The following VSTM4 variants were observed in gnomAD, a reference collection of about 807,000 sequenced individuals.
VSTM4 encodes the protein V-set and transmembrane domain containing 4, also known as V-set and transmembrane domain-containing protein 4.
A neutral mutation model predicts 36.4 loss-of-function variants in VSTM4; 20 were observed. The observed-to-expected ratio is 0.55, with a 90% CI of 0.39 to 0.80. The LOEUF (loss-of-function observed/expected upper bound fraction) is 0.80, where lower values mean the gene tolerates loss of function less well. VSTM4 is among the 30% of genes least tolerant of loss of function. The pLI is 0.00. For synonymous variants in VSTM4, 182 were observed against 173.9 expected, an observed-to-expected ratio of 1.05 and a Z score of -0.37; for missense variants, 392 against 404.5, an observed-to-expected ratio of 0.97 and a Z score of 0.26.
At chr10:49,053,570 C>A (rs1843731120) in intron 5 of VSTM4, among the ~76,000 whole-genome samples, 1 of 152,142 alleles carries the variant, frequency 6.6e-6, no homozygotes, top group Non-Finnish European at 1.5e-5. Flanking sequence ...GAGAGCATAG[C>A]CTAAATTAGA....
intron 1 of VSTM4, among the ~76,000 whole-genome samples, chr10:49,114,592 T>TTG (rs2132034907): frequency 1.3e-5 from 2 of 152,106 alleles, no homozygotes; most frequent in South Asian, 2.1e-4. Flanking sequence ...CATGTTTTTT[T>TTG]TTTTTAATAC....
intron 5 of VSTM4, among the ~76,000 whole-genome samples, chr10:49,057,281 G>A (rs1217164099): frequency 6.6e-6 from 1 of 152,196 alleles, no homozygotes; most frequent in Non-Finnish European, 1.5e-5. Context: ...ATCATTGGCA[G>A]TTTCATCCAT....
rs1316502498 is a variant in VSTM4 at position 49,064,731 on chromosome 10, G to A, written c.640C>T (p.His214Tyr). The change falls in exon 5 of 8, where the codon CAT (histidine) becomes TAT (tyrosine). Residue 214 changes from histidine (H) to tyrosine (Y), a missense_variant. Physicochemically the swap from His to Tyr is moderately conservative, Grantham distance 83. Transcript: ENST00000332853. ...TTCTGAGGGCATTTCACCAAATAAT[G>A]TCTCACTGTGAAAGGAAAAATAATA... ...VFNKRKSRVR[H>Y]YLVKCPQNSS... 1.2e-6 allele frequency: 2 copies of A among 1,612,548 alleles called. No individual in the cohort carries two copies. Among genetic ancestry groups the A allele is most frequent in the African/African-American group, 1.3e-5 (1 of 74,788 alleles).
rs745404536 is a variant in VSTM4, at chr10:49,066,797, A to C, written c.635-2061T>G. ...GCAATACTAATAAGTCAATCTAAAA[A>C]ATATTTTAACAGACACTTATGAAAT... On this transcript the variant is annotated intron_variant, in intron 4 of 7. Transcript: ENST00000332853. Among the ~76,000 whole-genome samples, 50 of 152,184 alleles carry C rather than the reference A, an allele frequency of 3.3e-4. 1 individual carries two copies. Among genetic ancestry groups the C allele is most frequent in the Non-Finnish European group, 1.2e-4 (8 of 68,002 alleles).
At chr10:49,037,194 T>C (rs935405882) in intron 7 of VSTM4, among the ~76,000 whole-genome samples, 2 of 152,206 alleles carry the variant, frequency 1.3e-5, no homozygotes, top group Non-Finnish European at 2.9e-5. Flanking sequence ...CTTACTAAAG[T>C]GAAAGCAGAG....
chr10:49,036,172 T>C (rs780624575), intron 7 of VSTM4, among the ~76,000 whole-genome samples: 11 of 152,180 alleles, frequency 7.2e-5, no homozygotes, highest in Non-Finnish European at 1.5e-4. Flanking sequence ...GAGGAAGCCA[T>C]GAAAGCAAAT....
intron 2 of VSTM4, among the ~76,000 whole-genome samples, chr10:49,094,458 T>C (rs1844534145): frequency 6.6e-6 from 1 of 152,220 alleles, no homozygotes; most frequent in African/African-American, 2.4e-5. Context: ...GCCTGATCCC[T>C]GGCAAGTAGG....
chr10:49,099,898 C>T lies in VSTM4; in HGVS notation c.457+7696G>A, dbSNP rs117944893. 8.7e-3 allele frequency among the ~76,000 whole-genome samples: 1,325 copies of T among 152,210 alleles called. 9 individuals are homozygous for T. The highest frequency in any genetic ancestry group is 0.014 in the Middle Eastern group (4 of 294). On this transcript the variant is annotated intron_variant, in intron 2 of 7. Coordinates refer to ENST00000332853, the MANE Select transcript of VSTM4 (RefSeq NM_001031746.5). ...CTGGGTGGTGGCTGGTGCCTGTAAT[C>T]GCAGCTACTTGAGAGGCTGAGGCAG...
At chr10:49,022,293 G>T (rs2466753) in intron 7 of VSTM4, among the ~76,000 whole-genome samples, 146,389 of 152,244 alleles carry the variant, frequency 0.96, 70,641 homozygotes, top group East Asian at 1. Context: ...GTTGTTTGAT[G>T]GACTTTTTAA....
intron 7 of VSTM4, among the ~76,000 whole-genome samples, chr10:49,031,402 A>C (rs1486014019): frequency 6.6e-6 from 1 of 152,248 alleles, no homozygotes; most frequent in Non-Finnish European, 1.5e-5. Flanking sequence ...TGCTTGAAAA[A>C]ATACCTGGTA....
intron 4 of VSTM4, among the ~76,000 whole-genome samples, chr10:49,073,904 T>C (rs1185586708): frequency 6.6e-6 from 1 of 152,254 alleles, no homozygotes; most frequent in South Asian, 2.1e-4. Flanking sequence ...TCCATGCTAA[T>C]GCACAATGAA....
intron 1 of VSTM4, among the ~76,000 whole-genome samples, chr10:49,108,304 G>A (rs992258371): frequency 1.3e-5 from 2 of 152,218 alleles, no homozygotes; most frequent in African/African-American, 2.4e-5. Flanking sequence ...CAAATTTCAT[G>A]TAAAAGATTT....
At chr10:49,072,267 G>A (rs1844092589) in intron 4 of VSTM4, among the ~76,000 whole-genome samples, 1 of 152,150 alleles carries the variant, frequency 6.6e-6, no homozygotes, top group South Asian at 2.1e-4. Context: ...TAAGACTTTA[G>A]AATCACTGTC....
chr10:49,034,931 T>C (rs977809251), intron 7 of VSTM4, among the ~76,000 whole-genome samples: 2 of 152,206 alleles, frequency 1.3e-5, no homozygotes, highest in African/African-American at 4.8e-5. Context: ...GAAAAAGTTT[T>C]TAAAAATATT....
rs1023205594 is a variant in VSTM4, at chr10:49,048,406, A to T, written c.775+72T>A. On this transcript the variant is annotated intron_variant, in intron 6 of 7. Coordinates refer to ENST00000332853, the MANE Select transcript of VSTM4 (RefSeq NM_001031746.5). ...TGCCTACGCTCCCTGTCATAATCCA[A>T]CATGGAACCCCAGACCCACAGGGAT... The T allele has an allele frequency of 4.3e-6, 6 of 1,385,894 alleles. No individual in the cohort carries two copies. In the African/African-American group the frequency reaches 5.9e-5, roughly 14 times the overall value. The allele number at this position is 1,385,894 out of a possible 1,614,324, so 85.8% of individuals were successfully genotyped here.
intron 2 of VSTM4, among the ~76,000 whole-genome samples, chr10:49,089,403 G>C (rs1844432050): frequency 6.6e-6 from 1 of 152,200 alleles, no homozygotes; most frequent in Non-Finnish European, 1.5e-5. Flanking sequence ...ATGAGCTGCT[G>C]CCATTCTAAC....
intron 2 of VSTM4, among the ~76,000 whole-genome samples, chr10:49,104,743 C>G (rs915655768): frequency 6.6e-6 from 1 of 151,182 alleles, no homozygotes; most frequent in South Asian, 2.1e-4. Flanking sequence ...GGGGAGTGGG[C>G]GAGAGAAGTG....
intron 2 of VSTM4, chr10:49,103,659 C>T: frequency 6.4e-7 from 1 of 1,564,790 alleles, no homozygotes; most frequent in South Asian, 1.2e-5. Context: ...GCGAGGTGTT[C>T]ATGACAGGGA....
intron 1 of VSTM4, among the ~76,000 whole-genome samples, chr10:49,113,032 G>A (rs758088550): frequency 2.6e-5 from 4 of 152,136 alleles, no homozygotes; most frequent in Non-Finnish European, 4.4e-5. Context: ...TGCAGAGGTG[G>A]GCACAGTCCC....
Sources: gnomAD v4.1 joint callset for allele counts (sites outside exome capture counted in the v4.1 genomes callset) on GRCh38, gnomAD v4.1.1 for gene constraint, MANE v1.5 for transcripts, NCBI Gene and HGNC (gene_info 2026-07-23, HGNC 2026-07-21) for gene names.